Variants in SLC26A4 observed in about 807,000 individuals in gnomAD.
SLC26A4 encodes pendrin.
In SLC26A4, 93 loss-of-function variants were observed where a neutral mutation model predicts 90.4. The observed-to-expected ratio is 1.03, with a 90% CI of 0.87 to 1.22. The LOEUF (loss-of-function observed/expected upper bound fraction) is 1.22. Ranked by LOEUF, SLC26A4 falls within the 50% of genes most tolerant of loss-of-function variation. The pLI is 0.00. For synonymous variants in SLC26A4, 393 were observed against 354.6 expected (o/e 1.11, Z -1.22); for missense variants, 1,127 against 946.2 (o/e 1.19, Z -2.51).
chr7:107,706,661 T>TTGA (rs1315803391), intron 18 of SLC26A4, among the ~76,000 whole-genome samples: 1 of 152,224 alleles, frequency 6.6e-6, no homozygotes, highest in Non-Finnish European at 1.5e-5. Flanking sequence ...AGCCAGGAAT[T>TTGA]CTGTGCACAT....
chr7:107,717,617 A>C lies in SLC26A4; in HGVS notation c.*2171A>C, dbSNP rs1201700263. On this transcript the variant is annotated 3_prime_UTR_variant, in exon 21 of 21. Coordinates refer to ENST00000644269, the MANE Select transcript of SLC26A4 (RefSeq NM_000441.2). ...AGCATAATTTTAGTTTTGTATTATC[A>C]ATGAAAATTTCACTTGAAATTAAAG... 6.6e-6 allele frequency: 1 copy of C among 152,602 alleles called. No homozygotes were observed. The highest frequency in any genetic ancestry group is 6.5e-5 in the Admixed American group (1 of 15,284). 9.5% of individuals were successfully genotyped at this position (152,602 alleles called of 1,614,324 possible). A position where few individuals can be genotyped will look rare whatever the true frequency, so the allele number is the denominator to read the frequency against.
intron 18 of SLC26A4, among the ~76,000 whole-genome samples, chr7:107,708,065 T>C (rs1259341108): frequency 6.6e-6 from 1 of 152,232 alleles, no homozygotes; most frequent in East Asian, 1.9e-4. Context: ...CCTCTCACAA[T>C]TTTCTATTAA....
At chr7:107,683,396 T>C (rs1387863231) in intron 7 of SLC26A4, 42 bp downstream of exon 7, 2 of 1,610,968 alleles carry the variant, frequency 1.2e-6, no homozygotes, top group Admixed American at 3.3e-5. Flanking sequence ...ATTATTTGGT[T>C]GACAAACAAG....
At chr7:107,698,168 C>A in intron 14 of SLC26A4, 57 bp downstream of exon 14, 1 of 1,117,034 alleles carries the variant, frequency 9.0e-7, no homozygotes, top group Non-Finnish European at 1.4e-6. Flanking sequence ...GAAGTTTCAG[C>A]AGCTCCATTT....
chr7:107,674,916 T>TA, intron 5 of SLC26A4, 29 bp from the exon 6 acceptor site: 14 of 1,609,594 alleles, frequency 8.7e-6, no homozygotes, highest in Non-Finnish European at 1.2e-5. Flanking sequence ...GGCAAACATT[T>TA]AATTTTTCTT....
chr7:107,692,207 G>A, intron 10 of SLC26A4: 1 of 593,080 alleles, frequency 1.7e-6, no homozygotes, highest in Non-Finnish European at 2.4e-6. Context: ...CAGGATTTCA[G>A]CATTAAAGAA....
rs1264570726 is a variant in SLC26A4 at position 107,716,005 on chromosome 7, A to G, written c.*559A>G. Reference sequence around the variant, plus strand: ...GTATCTAATAATGAAGTGTTATTACATATAGCCGGAATTGAGGATCTCTTT... The same window carrying G: ...GTATCTAATAATGAAGTGTTATTACGTATAGCCGGAATTGAGGATCTCTTT... On this transcript the variant is annotated 3_prime_UTR_variant, in exon 21 of 21. Transcript: ENST00000644269. 6.5e-6 allele frequency: 1 copy of G among 152,726 alleles called. No individual in the cohort carries two copies. The highest frequency in any genetic ancestry group is 1.9e-4 in the East Asian group (1 of 5,232). The allele number at this position is 152,726 out of a possible 1,614,324, so 9.5% of individuals were successfully genotyped here.
At chr7:107,668,713 G>T (rs73724563) in intron 3 of SLC26A4, among the ~76,000 whole-genome samples, 9,318 of 152,144 alleles carry the variant, frequency 0.061, 986 homozygotes, top group African/African-American at 0.21. Context: ...TGACTTTTAT[G>T]TATTTGTTTG....
intron 3 of SLC26A4, among the ~76,000 whole-genome samples, chr7:107,664,886 G>C (rs563098698): frequency 1.3e-5 from 2 of 151,974 alleles, no homozygotes; most frequent in Non-Finnish European, 2.9e-5. Context: ...CAGAAATATC[G>C]TTATTTATTA....
Position 107,690,556 on chromosome 7 carries a change from T to C in SLC26A4, c.1263+319T>C, listed in dbSNP as rs77056079. Among the ~76,000 whole-genome samples, 3,726 of 152,268 alleles carry C rather than the reference T, an allele frequency of 0.024. 147 individuals are homozygous for C. The highest frequency in any genetic ancestry group is 0.085 in the African/African-American group (3,529 of 41,542). Reference sequence around the variant, plus strand: ...AGGATGCTGATTTTTGTTAATTTGTTACCTGGGGAGACAGATGGCCTGGTA... The same window carrying C: ...AGGATGCTGATTTTTGTTAATTTGTCACCTGGGGAGACAGATGGCCTGGTA... On this transcript the variant is annotated intron_variant, in intron 10 of 20. Coordinates refer to ENST00000644269, the MANE Select transcript of SLC26A4 (RefSeq NM_000441.2).
intron 8 of SLC26A4, 41 bp from the exon 9 acceptor site, chr7:107,689,012 G>T (rs1372059929): frequency 1.2e-6 from 2 of 1,608,556 alleles, no homozygotes; most frequent in South Asian, 1.1e-5. Flanking sequence ...AAAGGATGGT[G>T]GTCAAATCTT....
Position 107,661,968 on chromosome 7 carries a change from G to T in SLC26A4, c.164+163G>T. On this transcript the variant is annotated intron_variant, in intron 2 of 20. Coordinates refer to ENST00000644269, the MANE Select transcript of SLC26A4 (RefSeq NM_000441.2). The surrounding 1 kb of genome is among the most constrained non-coding windows in gnomAD (Gnocchi z 5.1). ...CGACTTTCGGTCTCCGGTCCTCCAC[G>T]CCGCCCTTCTGGTGGGAGGGTGGCT... The T allele has an allele frequency of 1.4e-6, 1 of 739,298 alleles. No individual in the cohort carries two copies. Among genetic ancestry groups the T allele is most frequent in the Non-Finnish European group, 2.1e-6 (1 of 465,574 alleles). The allele number at this position is 739,298 out of a possible 1,614,324, so 45.8% of individuals were successfully genotyped here. A position where few individuals can be genotyped will look rare whatever the true frequency, so the allele number is the denominator to read the frequency against.
At chr7:107,693,581 C>T (rs2237679) in intron 10 of SLC26A4, 239,782 of 985,186 alleles carry the variant, frequency 0.24, 30,910 homozygotes, top group South Asian at 0.44. Flanking sequence ...GGCTCTGCCC[C>T]AGCTGTCTCA....
intron 18 of SLC26A4, 60 bp from the exon 19 acceptor site, chr7:107,709,994 A>G: frequency 6.7e-7 from 1 of 1,491,456 alleles, no homozygotes; most frequent in Non-Finnish European, 9.3e-7. Context: ...CTCTGTCTCA[A>G]AAACAAACAA....
At position 107,661,250 on chromosome 7, in the gene SLC26A4, C is replaced by G. The variant is rs1432120554; in HGVS notation, c.-3-389C>G. 5 of 273,746 alleles carry G rather than the reference C, an allele frequency of 1.8e-5. No homozygotes were observed. Among genetic ancestry groups the G allele is most frequent in the African/African-American group, 1.1e-4 (5 of 43,554 alleles). 17.0% of individuals were successfully genotyped at this position (273,746 alleles called of 1,614,324 possible). A position where few individuals can be genotyped will look rare whatever the true frequency, so the allele number is the denominator to read the frequency against. ...ATCTCAGTGTCCCCTTCCAGCCTTG[C>G]AAGCGCCTTTGGCCCCTGCCCCAGC... On this transcript the variant is annotated intron_variant, in intron 1 of 20. Coordinates refer to ENST00000644269, the MANE Select transcript of SLC26A4 (RefSeq NM_000441.2). This position sits in a 1 kb window ranked among gnomAD's most constrained non-coding sequence, Gnocchi z 5.1.
At chr7:107,697,319 A>G (rs1186079846) in intron 13 of SLC26A4, among the ~76,000 whole-genome samples, 1 of 152,230 alleles carries the variant, frequency 6.6e-6, no homozygotes, top group Non-Finnish European at 1.5e-5. Flanking sequence ...CTAGTTTGGT[A>G]TCTAGGCTTT....
intron 6 of SLC26A4, among the ~76,000 whole-genome samples, chr7:107,682,104 TAAA>T (rs1169027377): frequency 2.1e-4 from 7 of 33,160 alleles, no homozygotes; most frequent in Admixed American, 1.2e-3. Flanking sequence ...GCAAGAGAGC[TAAA>T]AAAAAAAAAA....
chr7:107,662,692 A>G (rs1273948637), intron 2 of SLC26A4, among the ~76,000 whole-genome samples: 1 of 152,236 alleles, frequency 6.6e-6, no homozygotes, highest in Non-Finnish European at 1.5e-5. Flanking sequence ...AAATTGAGTC[A>G]TTATTAAAAT....
chr7:107,683,329 T>G lies in SLC26A4; in HGVS notation c.893T>G (p.Val298Gly). The change falls in exon 7 of 21, where the codon GTC becomes GGC. Residue 298 changes from valine (V) to glycine (G), a missense_variant. Coordinates refer to ENST00000644269, the MANE Select transcript of SLC26A4 (RefSeq NM_000441.2). Reference protein sequence around the residue: ...LNDRFRHKIPVPIPIEVIVTI... With the variant: ...LNDRFRHKIPGPIPIEVIVTI... ...GATCGGTTTAGACACAAAATCCCAG[T>G]CCCTATTCCTATAGAAGTAATTGTG... is the stretch of plus-strand genomic sequence containing the variant. 1 of 1,613,832 alleles carries G rather than the reference T, an allele frequency of 6.2e-7. No homozygotes were observed. The highest frequency in any genetic ancestry group is 1.3e-5 in the African/African-American group (1 of 75,032).
Sources: allele counts gnomAD v4.1 joint callset (sites outside exome capture counted in the v4.1 genomes callset), GRCh38; gene constraint gnomAD v4.1.1; non-coding constraint Gnocchi (gnomAD v3.1); transcripts MANE v1.5; gene names NCBI Gene and HGNC (gene_info 2026-07-23, HGNC 2026-07-21).